Variants in DDX46 observed in about 807,000 individuals in gnomAD.
The protein encoded by DDX46 is probable ATP-dependent RNA helicase DDX46.
DDX46 carries 30 observed loss-of-function variants against 134.9 expected under a neutral mutation model. The observed-to-expected ratio is 0.22, with a 90% CI of 0.17 to 0.30. The LOEUF (loss-of-function observed/expected upper bound fraction) is 0.30. DDX46 is among the 10% of genes least tolerant of loss of function. The probability of loss-of-function intolerance (pLI) is 1.00; values close to 1 mark genes in which losing one functional copy is unlikely to be tolerated. For synonymous variants in DDX46, 415 were observed against 404.1 expected (o/e 1.03, Z -0.32); for missense variants, 622 against 1,248.7 (o/e 0.50, Z 7.56).
intron 21 of DDX46, among the ~76,000 whole-genome samples, chr5:134,821,886 G>GT (rs113121128): frequency 3.2e-4 from 47 of 144,928 alleles, no homozygotes; most frequent in African/African-American, 4.6e-4. Flanking sequence ...GTATTTTTAG[G>GT]TTTTTTTTTG....
At chr5:134,817,135 T>C (rs1755307116) in intron 19 of DDX46, 1 of 203,284 alleles carries the variant, frequency 4.9e-6, no homozygotes, top group Non-Finnish European at 9.8e-6. Context: ...GTGATGGTAG[T>C]AGTACAAACA....
In DDX46 at chr5:134,783,079, G is replaced by A. The variant is rs1344632449; in HGVS notation, c.1166+14G>A. On this transcript the variant is annotated intron_variant, in intron 9 of 22. Coordinates refer to ENST00000452510, the MANE Select transcript of DDX46 (RefSeq NM_001300860.2). ...TTCCCTCAAGAAGTAAGTGGTTGGT[G>A]GTTGTTTATGTTTTCCGTGTCTTGC... 2.5e-6 allele frequency: 4 copies of A among 1,611,310 alleles called. No homozygotes were observed. The highest frequency in any genetic ancestry group is 3.4e-6 in the Non-Finnish European group (4 of 1,178,482).
chr5:134,793,731 A>T (rs1307022339), intron 13 of DDX46, among the ~76,000 whole-genome samples: 1 of 152,048 alleles, frequency 6.6e-6, no homozygotes, highest in African/African-American at 2.4e-5. Flanking sequence ...GAATTTAGTA[A>T]TGTGGTAACT....
intron 1 of DDX46, among the ~76,000 whole-genome samples, chr5:134,760,217 T>C (rs907993292): frequency 6.6e-6 from 1 of 152,202 alleles, no homozygotes; most frequent in African/African-American, 2.4e-5. Context: ...TATGACAGCC[T>C]TCAAGGCCCT....
At chr5:134,786,898 TTTG>T (rs141573785) in intron 11 of DDX46, among the ~76,000 whole-genome samples, 5 of 150,946 alleles carry the variant, frequency 3.3e-5, no homozygotes, top group Non-Finnish European at 7.4e-5. Flanking sequence ...TCAGAGGTGT[TTTG>T]TTGTTGTTGT....
At chr5:134,759,786 T>A (rs1221997823) in intron 1 of DDX46, among the ~76,000 whole-genome samples, 1 of 152,208 alleles carries the variant, frequency 6.6e-6, no homozygotes, top group African/African-American at 2.4e-5. Context: ...TGATGAAATT[T>A]AGCAAATATA....
At chr5:134,813,590 A>C (rs1378617621) in intron 18 of DDX46, among the ~76,000 whole-genome samples, 1 of 151,942 alleles carries the variant, frequency 6.6e-6, no homozygotes, top group Non-Finnish European at 1.5e-5. Flanking sequence ...GAAATTACAC[A>C]CTGTCACTTC....
chr5:134,781,033 AAAAC>A, intron 6 of DDX46, 96 bp from the exon 7 acceptor site: 1 of 857,262 alleles, frequency 1.2e-6, no homozygotes, highest in Middle Eastern at 3.0e-4. Context: ...AAAAAGAAAA[AAAAC>A]TAAAGATGAA....
At chr5:134,765,858 T>G (rs1448717798) in intron 2 of DDX46, among the ~76,000 whole-genome samples, 1 of 152,258 alleles carries the variant, frequency 6.6e-6, no homozygotes, top group Non-Finnish European at 1.5e-5. Flanking sequence ...TTTCACATTT[T>G]GTGGTCCTAG....
intron 1 of DDX46, among the ~76,000 whole-genome samples, chr5:134,763,385 C>A (rs1208626534): frequency 6.6e-6 from 1 of 152,140 alleles, no homozygotes; most frequent in African/African-American, 2.4e-5. Flanking sequence ...CTGACCTCGT[C>A]TTATGGCACG....
At chr5:134,808,736 C>T (rs1755059794) in intron 16 of DDX46, among the ~76,000 whole-genome samples, 1 of 152,242 alleles carries the variant, frequency 6.6e-6, no homozygotes, top group Non-Finnish European at 1.5e-5. Context: ...ATTCTAGAAA[C>T]TGTATGGGTC....
intron 15 of DDX46, among the ~76,000 whole-genome samples, chr5:134,807,175 C>CTT (rs11284486): frequency 1.1e-4 from 13 of 121,732 alleles, no homozygotes; most frequent in South Asian, 8.1e-4. Flanking sequence ...CCACGCCTGG[C>CTT]TTTTTTTTTT....
intron 14 of DDX46, among the ~76,000 whole-genome samples, 200 bp downstream of exon 14, chr5:134,795,214 TTTTTTG>T (rs997157113): frequency 1.4e-5 from 2 of 143,550 alleles, no homozygotes; most frequent in African/African-American, 2.6e-5. Context: ...GTTTTTTTTT[TTTTTTG>T]TTTTTTTTTT....
Position 134,758,834 on chromosome 5 carries a change from T to G in DDX46, c.-105T>G, listed in dbSNP as rs1272247619. 25 of 1,567,502 alleles carry G rather than the reference T, an allele frequency of 1.6e-5. No individual in the cohort carries two copies. Among genetic ancestry groups the G allele is most frequent in the Non-Finnish European group, 1.9e-5 (22 of 1,140,334 alleles). On this transcript the variant is annotated 5_prime_UTR_variant, in exon 1 of 23. Transcript: ENST00000452510. Reference sequence around the variant, plus strand: ...CCACAGCTGTAGGTGCTGCTAGTGTTTAGCGCTGGTCTTTGCCGGGCGTTG... The same window carrying G: ...CCACAGCTGTAGGTGCTGCTAGTGTGTAGCGCTGGTCTTTGCCGGGCGTTG...
At chr5:134,811,410 C>T (rs1338668418) in intron 17 of DDX46, 52 bp downstream of exon 17, 10 of 1,562,942 alleles carry the variant, frequency 6.4e-6, no homozygotes, top group Non-Finnish European at 8.6e-6. Flanking sequence ...GTGACTAAAC[C>T]TTGATTATTT....
intron 16 of DDX46, among the ~76,000 whole-genome samples, chr5:134,808,643 C>T (rs1032626586): frequency 3.9e-5 from 6 of 152,152 alleles, no homozygotes; most frequent in African/African-American, 1.4e-4. Context: ...CCCATCTCCA[C>T]ACCTACCAAT....
intron 13 of DDX46, among the ~76,000 whole-genome samples, chr5:134,793,927 C>T (rs887888095): frequency 8.5e-5 from 13 of 152,136 alleles, no homozygotes; most frequent in African/African-American, 3.1e-4. Context: ...GTAATTTTCT[C>T]TGGATATTCA....
At chr5:134,771,431 G>A (rs2906916) in intron 4 of DDX46, among the ~76,000 whole-genome samples, 3 of 138,420 alleles carry the variant, frequency 2.2e-5, no homozygotes, top group Non-Finnish European at 4.8e-5. Context: ...GGTGGCTCAC[G>A]CCTGTAATCC....
At chr5:134,791,356 C>T (rs996508594) in intron 13 of DDX46, among the ~76,000 whole-genome samples, 2 of 152,068 alleles carry the variant, frequency 1.3e-5, no homozygotes, top group African/African-American at 4.8e-5. Context: ...GTCAGGAGAT[C>T]GAGACCATCC....
Sources: allele counts gnomAD v4.1 joint callset (sites outside exome capture counted in the v4.1 genomes callset), GRCh38; gene constraint gnomAD v4.1.1; transcripts MANE v1.5; gene names NCBI Gene and HGNC (gene_info 2026-07-23, HGNC 2026-07-21).